The following DMXL2 variants were observed in gnomAD, a reference collection of about 807,000 sequenced individuals.
The protein encoded by DMXL2 is Dmx like 2, also known as dmX-like protein 2.
Under a neutral mutation model 331.1 loss-of-function variants are expected in DMXL2, and 103 were observed. The observed-to-expected ratio is 0.31, with a 90% CI of 0.27 to 0.37. The LOEUF (loss-of-function observed/expected upper bound fraction) is 0.37. Ranked by LOEUF, DMXL2 falls within the 10% of genes least tolerant of loss-of-function variation. The pLI is 1.00. For synonymous variants in DMXL2, 1,281 were observed against 1,252.1 expected (o/e 1.02, Z -0.49); for missense variants, 3,171 against 3,642.9 (o/e 0.87, Z 3.33).
At chr15:51,562,478 A>G (rs1366699435) in intron 6 of DMXL2, among the ~76,000 whole-genome samples, 1 of 152,198 alleles carries the variant, frequency 6.6e-6, no homozygotes, top group Non-Finnish European at 1.5e-5. Context: ...AGGCAAAGAG[A>G]ATTTCCCAAA....
At chr15:51,582,096 G>C (rs1300366196) in intron 1 of DMXL2, among the ~76,000 whole-genome samples, 1 of 152,114 alleles carries the variant, frequency 6.6e-6, no homozygotes, top group Non-Finnish European at 1.5e-5. Flanking sequence ...ATAATTACAA[G>C]AAGGAGGTAC....
At position 51,529,479 on chromosome 15, in the gene DMXL2, T is replaced by A. The variant is rs963954739; in HGVS notation, c.2436+6184A>T. ...CAACAGTGGCTACTATGATCAACTA[T>A]ATGCCAATAAATTGCAAAATCTACA... On this transcript the variant is annotated intron_variant, in intron 13 of 43. Coordinates refer to ENST00000560891, the MANE Select transcript of DMXL2 (RefSeq NM_001378457.1). Among the ~76,000 whole-genome samples, 10 of 152,266 alleles carry A rather than the reference T, an allele frequency of 6.6e-5. No homozygotes were observed. The South Asian group carries it at 2.1e-3, about 32-fold the overall frequency.
intron 13 of DMXL2, among the ~76,000 whole-genome samples, chr15:51,519,754 T>C (rs2047246629): frequency 6.6e-6 from 1 of 150,514 alleles, no homozygotes. Flanking sequence ...GTGATTCTCC[T>C]GTCTTAGCCT....
At position 51,481,291 on chromosome 15, in the gene DMXL2, T is replaced by C. The variant is rs2041992290; in HGVS notation, c.5815A>G (p.Lys1939Glu). 1 of 1,614,118 alleles carries C rather than the reference T, an allele frequency of 6.2e-7. No homozygotes were observed. The highest frequency in any genetic ancestry group is 8.5e-7 in the Non-Finnish European group (1 of 1,180,000). The change falls in exon 24 of 44, where the codon AAA (lysine) becomes GAA (glutamate). Residue 1939 changes from lysine to glutamate, a missense_variant. Coordinates refer to ENST00000560891, the MANE Select transcript of DMXL2 (RefSeq NM_001378457.1). ...HRMDDVPSHS[K>E]ALSDGNGSSG... ...CTTCCATTGCCATCACTCAGAGCTT[T>C]TGAATGTGAAGGTACATCATCCATC...
At chr15:51,614,483 T>G (rs760165935) in intron 1 of DMXL2, among the ~76,000 whole-genome samples, 4 of 152,236 alleles carry the variant, frequency 2.6e-5, no homozygotes, top group Non-Finnish European at 5.9e-5. Context: ...TCCTGATACA[T>G]TAATATATAT....
intron 6 of DMXL2, among the ~76,000 whole-genome samples, chr15:51,556,786 A>T (rs913551972): frequency 3.3e-5 from 5 of 152,170 alleles, no homozygotes; most frequent in African/African-American, 1.2e-4. Flanking sequence ...AAAAAAAGAT[A>T]AAAATTGTCT....
At chr15:51,469,560 T>A (rs1016757847) in intron 29 of DMXL2, among the ~76,000 whole-genome samples, 1 of 152,230 alleles carries the variant, frequency 6.6e-6, no homozygotes, top group Non-Finnish European at 1.5e-5. Context: ...GTAACAGTTA[T>A]CTTTGTTGCA....
chr15:51,532,151 G>GA (rs148163527), intron 13 of DMXL2, among the ~76,000 whole-genome samples: 222 of 140,806 alleles, frequency 1.6e-3, no homozygotes, highest in Middle Eastern at 3.5e-3. Context: ...AATGGATGAA[G>GA]AAAAAAAAAA....
At position 51,464,795 on chromosome 15, in the gene DMXL2, T is replaced by C; in HGVS notation, c.7688A>G (p.Asp2563Gly). 6.2e-7 allele frequency: 1 copy of C among 1,614,114 alleles called. No homozygotes were observed. Residue 2563 changes from aspartate to glycine, a missense_variant, in exon 32 of 44, where the codon GAT becomes GGT. Asp to Gly is a moderately conservative substitution (Grantham distance 94). Transcript: ENST00000560891. ...GTTAGGGGGTGGACCTTCAAACTGA[T>C]CCATTTTCTCTTGCAAGATCTGTTC... ...NWEQILQEKM[D>G]QFEGPPPNYI...
At chr15:51,556,680 G>A (rs909236247) in intron 6 of DMXL2, among the ~76,000 whole-genome samples, 6 of 151,972 alleles carry the variant, frequency 3.9e-5, no homozygotes, top group African/African-American at 7.3e-5. Flanking sequence ...GCTGAAATGG[G>A]AGAAATACTT....
chr15:51,498,901 T>C lies in DMXL2; in HGVS notation c.4323A>G (p.Thr1441=), dbSNP rs138750603. 51 of 1,614,058 alleles carry C rather than the reference T, an allele frequency of 3.2e-5. No individual in the cohort carries two copies. The Middle Eastern group carries it at 4.9e-4, about 16-fold the overall frequency. The change falls in exon 18 of 44, where the codon ACA becomes ACG. Residue 1441 remains threonine (T), a synonymous_variant. Transcript: ENST00000560891. ...LYALLAADQD[T]SYRISEESTK... is the part of the protein sequence containing the mutation. Reference sequence around the variant, plus strand: ...TACTTTCTTCTGAAATTCTGTAGGATGTATCTTGATCTGCAGCAAGTAATG... The same window carrying C: ...TACTTTCTTCTGAAATTCTGTAGGACGTATCTTGATCTGCAGCAAGTAATG...
chr15:51,496,276 A>G (rs1255274172), intron 18 of DMXL2, among the ~76,000 whole-genome samples: 1 of 152,210 alleles, frequency 6.6e-6, no homozygotes, highest in Non-Finnish European at 1.5e-5. Flanking sequence ...AGAGACAAAC[A>G]ATAAACAAAT....
At chr15:51,569,229 C>G (rs8036609) in intron 2 of DMXL2, among the ~76,000 whole-genome samples, 73,009 of 151,942 alleles carry the variant, frequency 0.48, 17,853 homozygotes, top group Non-Finnish European at 0.52. Context: ...CTGAGGTTGA[C>G]CTGGGACACT....
intron 3 of DMXL2, chr15:51,567,042 CTTTTTTTTTT>C (rs746850030): frequency 2.5e-5 from 3 of 118,224 alleles, no homozygotes; most frequent in Non-Finnish European, 3.4e-5. Context: ...GTTCCAGATA[CTTTTTTTTTT>C]TTTTTTTTGA....
chr15:51,488,833 G>A (rs1288513693), intron 20 of DMXL2, among the ~76,000 whole-genome samples, 188 bp from the exon 21 acceptor site: 3 of 152,118 alleles, frequency 2.0e-5, no homozygotes, highest in Non-Finnish European at 4.4e-5. Flanking sequence ...CCATTCGCAA[G>A]CCAGTAATTA....
intron 14 of DMXL2, among the ~76,000 whole-genome samples, chr15:51,515,584 G>A (rs928159663): frequency 3.3e-5 from 5 of 152,104 alleles, no homozygotes; most frequent in Admixed American, 1.3e-4. Flanking sequence ...AGAGAAGGGT[G>A]ATGTCTTCAC....
At chr15:51,534,598 C>G (rs1350649596) in intron 13 of DMXL2, among the ~76,000 whole-genome samples, 1 of 152,156 alleles carries the variant, frequency 6.6e-6, no homozygotes, top group Admixed American at 6.5e-5. Flanking sequence ...CTGGTGAGAC[C>G]AGGTGACCTT....
At chr15:51,527,893 T>C (rs186824697) in intron 13 of DMXL2, among the ~76,000 whole-genome samples, 114 of 151,996 alleles carry the variant, frequency 7.5e-4, no homozygotes, top group African/African-American at 2.6e-3. Context: ...AAGATACAGA[T>C]GGTACAAAAA....
At chr15:51,550,127 C>G (rs2049124202) in intron 6 of DMXL2, among the ~76,000 whole-genome samples, 1 of 152,100 alleles carries the variant, frequency 6.6e-6, no homozygotes, top group Non-Finnish European at 1.5e-5. Flanking sequence ...TTAATATTCA[C>G]AAGTCAATAC....
Sources: allele counts gnomAD v4.1 joint callset (sites outside exome capture counted in the v4.1 genomes callset), GRCh38; gene constraint gnomAD v4.1.1; transcripts MANE v1.5; gene names NCBI Gene and HGNC (gene_info 2026-07-23, HGNC 2026-07-21).